Variants in NXPH1 observed in about 807,000 individuals in gnomAD.
NXPH1 encodes neurexophilin-1.
In NXPH1, 5 loss-of-function variants were observed where a neutral mutation model predicts 23.7. That is an observed-to-expected ratio of 0.21 (90% CI 0.11 to 0.44). The LOEUF (loss-of-function observed/expected upper bound fraction) is 0.44. Ranked by LOEUF, NXPH1 falls within the 20% of genes least tolerant of loss-of-function variation. The pLI is 0.99. For missense variants in NXPH1, 324 were observed against 321.6 expected (o/e 1.01, Z -0.06); for synonymous variants, 144 against 122.2 (o/e 1.18, Z -1.18).
chr7:8,475,007 C>G (rs1005477751), intron 2 of NXPH1, among the ~76,000 whole-genome samples: 5 of 152,146 alleles, frequency 3.3e-5, no homozygotes, highest in African/African-American at 7.2e-5. Flanking sequence ...AAAGTCCCAG[C>G]CCTGGATATC....
intron 2 of NXPH1, among the ~76,000 whole-genome samples, chr7:8,704,755 A>AT (rs1215817679): frequency 2.0e-5 from 3 of 152,054 alleles, no homozygotes; most frequent in Admixed American, 2.0e-4. Context: ...ATCTGTAAAA[A>AT]AAAAAAGATA....
intron 2 of NXPH1, among the ~76,000 whole-genome samples, chr7:8,561,785 T>C (rs1266973339): frequency 2.0e-5 from 3 of 151,654 alleles, no homozygotes; most frequent in South Asian, 2.1e-4. Flanking sequence ...GGGAAAAATT[T>C]AGGTATTTAC....
intron 2 of NXPH1, among the ~76,000 whole-genome samples, chr7:8,461,843 A>AAAAAAAAAAAGAAAAAG (rs758426131): frequency 8.2e-6 from 1 of 121,452 alleles, no homozygotes; most frequent in Non-Finnish European, 1.7e-5. Context: ...TCTCAAAAAA[A>AAAAAAAAAAAGAAAAAG]AAAAAAAAGA....
chr7:8,478,535 T>G (rs1817015357), intron 2 of NXPH1, among the ~76,000 whole-genome samples: 1 of 151,920 alleles, frequency 6.6e-6, no homozygotes, highest in Non-Finnish European at 1.5e-5. Context: ...AGATCCAACA[T>G]AAGTATAATG....
chr7:8,471,733 T>C (rs936607850), intron 2 of NXPH1, among the ~76,000 whole-genome samples: 23 of 152,200 alleles, frequency 1.5e-4, no homozygotes, highest in Non-Finnish European at 2.9e-5. Context: ...GGTTTTTCTT[T>C]ACTCATGAAA....
At chr7:8,635,269 T>C (rs553394977) in intron 2 of NXPH1, among the ~76,000 whole-genome samples, 4 of 152,186 alleles carry the variant, frequency 2.6e-5, no homozygotes, top group Non-Finnish European at 5.9e-5. Context: ...AAGGCACAAT[T>C]CTTTAAGAAC....
chr7:8,493,380 T>C (rs988265892), intron 2 of NXPH1, among the ~76,000 whole-genome samples: 1 of 152,002 alleles, frequency 6.6e-6, no homozygotes, highest in African/African-American at 2.4e-5. Context: ...GCATAGAAAA[T>C]GGCAGCAGGT....
chr7:8,472,308 C>G (rs868517587), intron 2 of NXPH1, among the ~76,000 whole-genome samples: 2 of 152,084 alleles, frequency 1.3e-5, no homozygotes, highest in African/African-American at 4.8e-5. Flanking sequence ...ATCTCTAAGG[C>G]CCTTCTAAAA....
intron 2 of NXPH1, among the ~76,000 whole-genome samples, chr7:8,487,623 T>A (rs1478996265): frequency 2.6e-5 from 4 of 152,136 alleles, no homozygotes; most frequent in Non-Finnish European, 5.9e-5. Context: ...TGGTACTGTA[T>A]CTCTCTAATC....
chr7:8,685,554 C>T (rs573207829), intron 2 of NXPH1, among the ~76,000 whole-genome samples: 12 of 151,950 alleles, frequency 7.9e-5, no homozygotes, highest in Non-Finnish European at 1.3e-4. Context: ...TTGTAAACAG[C>T]GCTACACAAA....
rs114971792 is a variant in NXPH1, at chr7:8,699,066, T to A, written c.55-51942T>A. Among the ~76,000 whole-genome samples, 1,428 of 152,200 alleles carry A rather than the reference T, an allele frequency of 9.4e-3. 13 individuals carry two copies. The highest frequency in any genetic ancestry group is 0.032 in the African/African-American group (1,332 of 41,546). Reference sequence around the variant, plus strand: ...AATTTAGTGATACAAATAATTACATTTGGAGGATTAGAACAGATCAAATTT... The same window carrying A: ...AATTTAGTGATACAAATAATTACATATGGAGGATTAGAACAGATCAAATTT... On this transcript the variant is annotated intron_variant, in intron 2 of 2. Coordinates refer to ENST00000405863, the MANE Select transcript of NXPH1 (RefSeq NM_152745.3).
rs1397620742 is a variant in NXPH1 at position 8,435,629 on chromosome 7, T to C, written c.-85T>C. 5 of 1,270,356 alleles carry C rather than the reference T, an allele frequency of 3.9e-6. No individual in the cohort carries two copies. Among genetic ancestry groups the C allele is most frequent in the Non-Finnish European group, 5.8e-6 (5 of 866,652 alleles). 78.7% of individuals were successfully genotyped at this position (1,270,356 alleles called of 1,614,324 possible). On this transcript the variant is annotated 5_prime_UTR_variant, in exon 2 of 3. Coordinates refer to ENST00000405863, the MANE Select transcript of NXPH1 (RefSeq NM_152745.3). The surrounding 1 kb of genome is among the most constrained non-coding windows in gnomAD (Gnocchi z 5.9). Reference sequence around the variant, plus strand: ...GCTGCTGAGAGCGCTCCTTGCTCTGTAAAGTGGATGTCAGGTGGATCTATG... The same window carrying C: ...GCTGCTGAGAGCGCTCCTTGCTCTGCAAAGTGGATGTCAGGTGGATCTATG...
At chr7:8,733,177 C>T (rs1026297760) in intron 2 of NXPH1, among the ~76,000 whole-genome samples, 1 of 152,162 alleles carries the variant, frequency 6.6e-6, no homozygotes. Flanking sequence ...TGGTTTCCAG[C>T]TTCATCCATG....
At chr7:8,646,417 A>G (rs935928288) in intron 2 of NXPH1, among the ~76,000 whole-genome samples, 1 of 152,112 alleles carries the variant, frequency 6.6e-6, no homozygotes, top group African/African-American at 2.4e-5. Flanking sequence ...CGTAATGACA[A>G]TATTATTTCT....
At chr7:8,445,639 T>C (rs1222692493) in intron 2 of NXPH1, among the ~76,000 whole-genome samples, 1 of 152,262 alleles carries the variant, frequency 6.6e-6, no homozygotes, top group Admixed American at 6.5e-5. Context: ...GAAAATTTCC[T>C]GGTTTTAAAG....
chr7:8,590,521 C>T (rs1354679280), intron 2 of NXPH1, among the ~76,000 whole-genome samples: 1 of 152,086 alleles, frequency 6.6e-6, no homozygotes, highest in Non-Finnish European at 1.5e-5. Context: ...AGCGACAACA[C>T]CTGCCTTACC....
At chr7:8,500,362 A>G (rs1486899323) in intron 2 of NXPH1, among the ~76,000 whole-genome samples, 1 of 152,102 alleles carries the variant, frequency 6.6e-6, no homozygotes, top group Non-Finnish European at 1.5e-5. Flanking sequence ...GAGAAAAGGC[A>G]GGATATCAGG....
chr7:8,612,036 A>C (rs2128629685), intron 2 of NXPH1, among the ~76,000 whole-genome samples: 1 of 152,204 alleles, frequency 6.6e-6, no homozygotes, highest in East Asian at 1.9e-4. Flanking sequence ...CAGAGTAATA[A>C]AGAATATCAA....
intron 2 of NXPH1, among the ~76,000 whole-genome samples, chr7:8,660,356 C>A (rs1027293700): frequency 2.0e-5 from 3 of 152,100 alleles, no homozygotes; most frequent in Non-Finnish European, 2.9e-5. Context: ...ACTTACTGAA[C>A]CTTTAGCTCT....
Sources: allele counts gnomAD v4.1 joint callset (sites outside exome capture counted in the v4.1 genomes callset), GRCh38; gene constraint gnomAD v4.1.1; non-coding constraint Gnocchi (gnomAD v3.1); transcripts MANE v1.5; gene names NCBI Gene and HGNC (gene_info 2026-07-23, HGNC 2026-07-21).